Variants in CCDC57 observed in about 807,000 individuals in gnomAD.
CCDC57 encodes coiled-coil domain containing 57, also known as coiled-coil domain-containing protein 57.
In CCDC57, 118 loss-of-function variants were observed where a neutral mutation model predicts 118.9. The ratio of observed to expected loss-of-function variants is 0.99; its 90% confidence interval spans 0.86 to 1.16. CCDC57 has a LOEUF of 1.16. CCDC57 is among the 50% of genes most tolerant of loss of function. The pLI, the probability that CCDC57 is intolerant of heterozygous loss-of-function variation, is 0.00. For missense variants in CCDC57, 1,300 were observed against 1,320.7 expected (o/e 0.98, Z 0.24); for synonymous variants, 527 against 532.9 (o/e 0.99, Z 0.15).
At chr17:82,122,078 CCTCTTCA>C (rs1369338536) in intron 19 of CCDC57, among the ~76,000 whole-genome samples, 1 of 152,104 alleles carries the variant, frequency 6.6e-6, no homozygotes, top group African/African-American at 2.4e-5. Context: ...GCTTGGTGGC[CCTCTTCA>C]CTCTCTCCCG....
At chr17:82,138,646 C>T (rs1473781359) in intron 16 of CCDC57, among the ~76,000 whole-genome samples, 1 of 147,888 alleles carries the variant, frequency 6.8e-6, no homozygotes, top group Admixed American at 6.6e-5. Flanking sequence ...TCGGAAGAGA[C>T]GCATGGCCTG....
Position 82,178,993 on chromosome 17 carries a change from C to G in CCDC57, c.1374+34G>C, listed in dbSNP as rs372417420. 6.9e-6 allele frequency: 11 copies of G among 1,603,564 alleles called. No homozygotes were observed. In the African/African-American group the frequency reaches 1.2e-4, roughly 18 times the overall value. On this transcript the variant is annotated intron_variant, in intron 10 of 19. Coordinates refer to ENST00000665763, the Ensembl canonical transcript of CCDC57. ...CCCAGCCCCACCTCTGCAGAGACGC[C>G]GAGAAGGCCCCAGGCCCTGGTGGCC...
chr17:82,113,491 G>C, intron 19 of CCDC57: 1 of 717,604 alleles, frequency 1.4e-6, no homozygotes, highest in Non-Finnish European at 2.6e-6. Context: ...TGATCCCACT[G>C]CAAGGCTGCT....
At chr17:82,179,139 C>A (rs767830419) in exon 10 of CCDC57, 2 of 1,613,878 alleles carry the variant, frequency 1.2e-6, no homozygotes, top group Non-Finnish European at 1.7e-6. Context: ...CACCTGATCA[C>A]GCTCCAGGCT....
chr17:82,204,957 C>T (rs1310922718), intron 2 of CCDC57, among the ~76,000 whole-genome samples: 1 of 152,230 alleles, frequency 6.6e-6, no homozygotes, highest in Admixed American at 6.5e-5. Flanking sequence ...GGGACCTCAA[C>T]CTGAACATCA....
intron 19 of CCDC57, chr17:82,127,034 T>C (rs1483060751): frequency 1.0e-6 from 1 of 985,246 alleles, no homozygotes; most frequent in Non-Finnish European, 1.2e-6. Flanking sequence ...CACAGACCCA[T>C]GCAGTCCTCA....
intron 16 of CCDC57, among the ~76,000 whole-genome samples, chr17:82,149,056 G>C (rs1178066037): frequency 1.1e-5 from 1 of 94,866 alleles, no homozygotes; most frequent in Non-Finnish European, 2.1e-5. Flanking sequence ...CGGATGGTTG[G>C]GTGGGTGGAT....
intron 11 of CCDC57, among the ~76,000 whole-genome samples, chr17:82,173,926 G>A (rs11656621): frequency 0.17 from 25,740 of 152,122 alleles, 2,533 homozygotes; most frequent in Non-Finnish European, 0.23. Context: ...TGACCAGGAG[G>A]GACTCACTGC....
At chr17:82,126,575 G>A (rs4789755) in intron 19 of CCDC57, 26,946 of 985,212 alleles carry the variant, frequency 0.027, 415 homozygotes, top group South Asian at 0.081. Flanking sequence ...CAGCAGAGGC[G>A]CTGATGCCAA....
Position 82,195,889 on chromosome 17 carries a change from T to C in CCDC57, c.517-525A>G, listed in dbSNP as rs557941600. Reference sequence around the variant, plus strand: ...ACACCGGATGTGTGCTGCCCAAGTTTCCCCTAGTAACCAAAGCTGCCACGT... The same window carrying C: ...ACACCGGATGTGTGCTGCCCAAGTTCCCCCTAGTAACCAAAGCTGCCACGT... On this transcript the variant is annotated intron_variant, in intron 4 of 19. Transcript: ENST00000665763. Among the ~76,000 whole-genome samples, 4 of 152,222 alleles carry C rather than the reference T, an allele frequency of 2.6e-5. No homozygotes were observed. The East Asian group carries it at 7.7e-4, about 29-fold the overall frequency.
rs878954377 is a variant in CCDC57 at position 82,184,027 on chromosome 17, GCGCGCACA to G, written c.1053-103_1053-96del. The G allele has an allele frequency of 6.2e-3, 2,024 of 326,558 alleles. 7 individuals are homozygous for G. The highest frequency in any genetic ancestry group is 0.016 in the African/African-American group (506 of 31,626). The allele number at this position is 326,558 out of a possible 1,614,324, so 20.2% of individuals were successfully genotyped here. A position where few individuals can be genotyped will look rare whatever the true frequency, so the allele number is the denominator to read the frequency against. On this transcript the variant is annotated intron_variant, in intron 8 of 19. Transcript: ENST00000665763. ...CCAGCAAATACACATGCGCGCGCGCGCGCGCACACACACACACACACACACACACACAC... is the reference window on the plus strand; with the variant it reads ...CCAGCAAATACACATGCGCGCGCGCGCACACACACACACACACACACACAC...
At chr17:82,124,101 G>A (rs1051196985) in intron 19 of CCDC57, among the ~76,000 whole-genome samples, 6 of 151,994 alleles carry the variant, frequency 3.9e-5, no homozygotes, top group African/African-American at 1.2e-4. Flanking sequence ...GCAGGAACTC[G>A]GCAAGGGCTG....
intron 2 of CCDC57, among the ~76,000 whole-genome samples, chr17:82,205,759 C>T (rs1860295679): frequency 6.6e-6 from 1 of 152,228 alleles, no homozygotes; most frequent in Non-Finnish European, 1.5e-5. Flanking sequence ...CTGAAAAATC[C>T]ATACAGCAAG....
chr17:82,183,827 T>C (rs902956980), exon 9 of CCDC57: 16 of 1,604,946 alleles, frequency 1.0e-5, no homozygotes, highest in African/African-American at 1.3e-5. Flanking sequence ...TCACCTCTTC[T>C]TCCTGCAGCG....
intron 9 of CCDC57, among the ~76,000 whole-genome samples, chr17:82,181,118 T>C (rs2046159169): frequency 6.6e-6 from 1 of 152,196 alleles, no homozygotes; most frequent in Non-Finnish European, 1.5e-5. Flanking sequence ...AAATGGGCTT[T>C]ATGAGGCAGA....
intron 19 of CCDC57, among the ~76,000 whole-genome samples, chr17:82,102,251 TC>T (rs1368616862): frequency 6.6e-6 from 1 of 152,036 alleles, no homozygotes; most frequent in Non-Finnish European, 1.5e-5. Context: ...TCAAAGCTCC[TC>T]CCCCCAGGCT....
chr17:82,193,724 T>C (rs1219246647), intron 7 of CCDC57, 32 bp downstream of exon 6: 2 of 1,562,058 alleles, frequency 1.3e-6, no homozygotes, highest in South Asian at 1.2e-5. Flanking sequence ...GCCACTGACA[T>C]GCTGCATGAT....
chr17:82,191,726 G>A (rs1303070145), intron 7 of CCDC57, among the ~76,000 whole-genome samples: 2 of 151,998 alleles, frequency 1.3e-5, no homozygotes, highest in East Asian at 3.9e-4. Flanking sequence ...GAGTGCTGTG[G>A]CACCACCTCG....
rs36143411 is a variant in CCDC57 at position 82,137,013 on chromosome 17, C to CTTT, written c.2456-2822_2456-2820dup. ...ATGGGTTTGTTTCCTTGGTGTACTACTTTTTTTTTTTTTTTTTTGAGACAG... is the reference window on the plus strand; with the variant it reads ...ATGGGTTTGTTTCCTTGGTGTACTACTTTTTTTTTTTTTTTTTTTTTGAGACAG... On this transcript the variant is annotated intron_variant, in intron 16 of 19. Coordinates refer to ENST00000665763, the Ensembl canonical transcript of CCDC57. 3.4e-3 allele frequency among the ~76,000 whole-genome samples: 427 copies of CTTT among 125,208 alleles called. 14 individuals carry two copies. The highest frequency in any genetic ancestry group is 0.012 in the African/African-American group (397 of 33,224). The allele number at this position is 125,208 out of a possible 152,430, so 82.1% of individuals were successfully genotyped here.
Sources: allele counts gnomAD v4.1 joint callset (sites outside exome capture counted in the v4.1 genomes callset), GRCh38; gene constraint gnomAD v4.1.1; transcripts MANE v1.5; gene names NCBI Gene and HGNC (gene_info 2026-07-23, HGNC 2026-07-21).